The following HIBCH variants were observed in gnomAD, a reference collection of about 807,000 sequenced individuals.
HIBCH encodes 3-hydroxyisobutyryl-CoA hydrolase.
In HIBCH, 50 loss-of-function variants were observed where a neutral mutation model predicts 58.2. The ratio of observed to expected loss-of-function variants is 0.86; its 90% CI spans 0.68 to 1.09. The LOEUF is 1.09. HIBCH is among the 50% of genes least tolerant of loss of function. HIBCH has a pLI of 0.00. For missense variants in HIBCH, 450 were observed against 449.7 expected (o/e 1.00, Z -0.01); for synonymous variants, 151 against 146.9 (o/e 1.03, Z -0.20).
chr2:190,247,150 C>G (rs1686631943), intron 9 of HIBCH, among the ~76,000 whole-genome samples: 1 of 152,100 alleles, frequency 6.6e-6, no homozygotes, highest in Non-Finnish European at 1.5e-5. Flanking sequence ...ACTCTAAACT[C>G]TAAGGGTTGT....
intron 8 of HIBCH, among the ~76,000 whole-genome samples, chr2:190,250,736 C>G (rs1028327942): frequency 3.9e-5 from 6 of 152,200 alleles, no homozygotes; most frequent in African/African-American, 7.2e-5. Context: ...GCCTTCATAA[C>G]AGTTTACAGA....
chr2:190,271,047 T>C (rs1687382970), intron 6 of HIBCH, among the ~76,000 whole-genome samples: 1 of 151,822 alleles, frequency 6.6e-6, no homozygotes, highest in Admixed American at 6.6e-5. Context: ...TTCTAGGAGG[T>C]CCAGCTCAAA....
chr2:190,238,909 G>A (rs1686366742), intron 11 of HIBCH, among the ~76,000 whole-genome samples: 4 of 152,092 alleles, frequency 2.6e-5, no homozygotes, highest in African/African-American at 7.2e-5. Context: ...CTCCCATTCC[G>A]TGAGTTGCCT....
At chr2:190,283,920 C>T (rs1020720026) in intron 6 of HIBCH, among the ~76,000 whole-genome samples, 3 of 152,178 alleles carry the variant, frequency 2.0e-5, no homozygotes, top group African/African-American at 7.2e-5. Flanking sequence ...TTATTACATT[C>T]AAGGGATGGC....
chr2:190,246,923 T>G (rs1375857315), intron 9 of HIBCH, among the ~76,000 whole-genome samples: 1 of 152,170 alleles, frequency 6.6e-6, no homozygotes, highest in Non-Finnish European at 1.5e-5. Flanking sequence ...ATACTTTTCT[T>G]AATTGGACTA....
At chr2:190,298,697 A>G (rs1239713986) in intron 2 of HIBCH, among the ~76,000 whole-genome samples, 1 of 151,848 alleles carries the variant, frequency 6.6e-6, no homozygotes. Flanking sequence ...CTGCCTGTTC[A>G]TGTTCACTCT....
chr2:190,200,527 C>T (rs1690199878), downstream of HIBCH: 1 of 185,352 alleles, frequency 5.4e-6, no homozygotes, highest in Non-Finnish European at 1.3e-5. Flanking sequence ...TGTTTATACC[C>T]AAAAAAAGTC....
intron 2 of HIBCH, among the ~76,000 whole-genome samples, chr2:190,298,349 T>A (rs543109707): frequency 6.6e-6 from 1 of 152,076 alleles, no homozygotes; most frequent in Non-Finnish European, 1.5e-5. Context: ...CCACAATGGT[T>A]GAATTTACAC....
chr2:190,314,083 G>C (rs946717596), intron 1 of HIBCH, among the ~76,000 whole-genome samples: 20 of 152,000 alleles, frequency 1.3e-4, no homozygotes, highest in African/African-American at 4.8e-4. Flanking sequence ...CAACTATTAT[G>C]TAACAGTGTA....
chr2:190,313,951 A>T (rs1237285141), intron 1 of HIBCH, among the ~76,000 whole-genome samples: 1 of 152,154 alleles, frequency 6.6e-6, no homozygotes, highest in African/African-American at 2.4e-5. Flanking sequence ...AATGTTTTCA[A>T]CTTGACTCAA....
chr2:190,248,865 C>CAA (rs113265048), intron 9 of HIBCH, among the ~76,000 whole-genome samples: 3 of 127,366 alleles, frequency 2.4e-5, no homozygotes, highest in African/African-American at 5.6e-5. Context: ...TGCTTCAAAA[C>CAA]AAAAAAAAAA....
intron 11 of HIBCH, 127 bp downstream of exon 11, chr2:190,244,760 G>T: frequency 1.3e-6 from 1 of 771,628 alleles, no homozygotes; most frequent in Non-Finnish European, 2.4e-6. Flanking sequence ...ACCTAAATTT[G>T]GGAAAAAAGA....
chr2:190,294,199 G>A (rs970900961), intron 4 of HIBCH, among the ~76,000 whole-genome samples: 1 of 151,624 alleles, frequency 6.6e-6, no homozygotes, highest in East Asian at 1.9e-4. Flanking sequence ...AGATAGTCAG[G>A]TTATAAGACC....
intron 6 of HIBCH, among the ~76,000 whole-genome samples, chr2:190,286,735 G>C (rs1687836734): frequency 6.6e-6 from 1 of 152,078 alleles, no homozygotes; most frequent in Non-Finnish European, 1.5e-5. Context: ...TAGCACAGAG[G>C]CAGAATATTT....
intron 6 of HIBCH, among the ~76,000 whole-genome samples, chr2:190,284,692 A>G (rs1187863372): frequency 6.6e-6 from 1 of 152,226 alleles, no homozygotes; most frequent in Non-Finnish European, 1.5e-5. Context: ...TCTGTATATA[A>G]CGTATATCAC....
chr2:190,285,780 C>A (rs868641547), intron 6 of HIBCH, among the ~76,000 whole-genome samples: 1 of 152,148 alleles, frequency 6.6e-6, no homozygotes, highest in African/African-American at 2.4e-5. Flanking sequence ...GACCTCCCCC[C>A]GCCTTTCTGT....
chr2:190,273,346 T>C (rs1317734955), intron 6 of HIBCH, among the ~76,000 whole-genome samples: 1 of 152,010 alleles, frequency 6.6e-6, no homozygotes, highest in East Asian at 1.9e-4. Context: ...TGAGCCAAGA[T>C]CACACCACTG....
chr2:190,315,495 AAAC>A lies in HIBCH; in HGVS notation c.35+4218_35+4220del, dbSNP rs1688691254. Among the ~76,000 whole-genome samples, 1 of 152,240 alleles carries A rather than the reference AAAC, an allele frequency of 6.6e-6. No individual in the cohort carries two copies. Among genetic ancestry groups the A allele is most frequent in the Non-Finnish European group, 1.5e-5 (1 of 68,044 alleles). On this transcript the variant is annotated intron_variant, in intron 1 of 13. Coordinates refer to ENST00000359678, the MANE Select transcript of HIBCH (RefSeq NM_014362.4). The surrounding 1 kb of genome is among the most constrained non-coding windows in gnomAD (Gnocchi z 5.4). ...TGGTTATGATGCGTGAAGTTTAAAT[AAAC>A]AACTGTCTTAGATGAGAACTTTATC...
rs759818028 is a variant in HIBCH at position 190,254,346 on chromosome 2, A to C, written c.518-2039T>G. Among the ~76,000 whole-genome samples the C allele has an allele frequency of 6.6e-6, 1 of 152,210 alleles. No homozygotes were observed. The highest frequency in any genetic ancestry group is 1.5e-5 in the Non-Finnish European group (1 of 68,040). ...CCACATGAGGACAGAGCAAGAAGGC[A>C]GCAGTCTATTAGCCACAGAGAGAGG... On this transcript the variant is annotated intron_variant, in intron 7 of 13. Coordinates refer to ENST00000359678, the MANE Select transcript of HIBCH (RefSeq NM_014362.4). This position sits in a 1 kb window ranked among gnomAD's most constrained non-coding sequence, Gnocchi z 5.0.
Sources: gnomAD v4.1 joint callset for allele counts (sites outside exome capture counted in the v4.1 genomes callset) on GRCh38, gnomAD v4.1.1 for gene constraint, Gnocchi (gnomAD v3.1) non-coding constraint, MANE v1.5 for transcripts, NCBI Gene and HGNC (gene_info 2026-07-23, HGNC 2026-07-21) for gene names.